Variants in GAREM1 observed in about 807,000 individuals in gnomAD.
GAREM1 encodes GRB2-associated and regulator of MAPK protein 1.
Under a neutral mutation model 71.3 loss-of-function variants are expected in GAREM1, and 26 were observed. The ratio of observed to expected loss-of-function variants is 0.36; its 90% CI spans 0.27 to 0.51. The LOEUF is 0.51. Ranked by LOEUF, GAREM1 falls within the 20% of genes least tolerant of loss-of-function variation. The pLI is 0.95. For synonymous variants in GAREM1, 440 were observed against 433.2 expected (o/e 1.02, Z -0.20); for missense variants, 1,026 against 1,103.1 (o/e 0.93, Z 0.99).
chr18:32,460,981 T>C (rs1341550145), intron 1 of GAREM1, among the ~76,000 whole-genome samples: 1 of 152,176 alleles, frequency 6.6e-6, no homozygotes, highest in Non-Finnish European at 1.5e-5. Flanking sequence ...AATACTTTAT[T>C]TAGAATATGG....
At chr18:32,388,288 C>A (rs1942014421) in intron 2 of GAREM1, among the ~76,000 whole-genome samples, 1 of 152,096 alleles carries the variant, frequency 6.6e-6, no homozygotes, top group African/African-American at 2.4e-5. Context: ...CTTTTCCTTA[C>A]AGGAGAATGA....
intron 1 of GAREM1, among the ~76,000 whole-genome samples, chr18:32,452,853 GTT>G (rs34771430): frequency 1.6e-4 from 23 of 147,266 alleles, no homozygotes; most frequent in East Asian, 4.0e-4. Flanking sequence ...TAACTTCTAC[GTT>G]TTTTTTTTTT....
At chr18:32,428,616 T>C (rs1458624421) in intron 1 of GAREM1, among the ~76,000 whole-genome samples, 1 of 152,198 alleles carries the variant, frequency 6.6e-6, no homozygotes, top group Non-Finnish European at 1.5e-5. Flanking sequence ...CTACCATGCT[T>C]CCCATATTGC....
rs139519609 is a variant in GAREM1 at position 32,454,919 on chromosome 18, T to C, written c.121+15389A>G. Among the ~76,000 whole-genome samples the C allele has an allele frequency of 4.3e-4, 66 of 152,314 alleles. No homozygotes were observed. In the East Asian group the frequency reaches 0.012, roughly 29 times the overall value. On this transcript the variant is annotated intron_variant, in intron 1 of 5. Coordinates refer to ENST00000269209, the MANE Select transcript of GAREM1 (RefSeq NM_001242409.2). ...TGTTGGAACATCACACCAGATCATGTGAACTGTGTGAAATGAACAGTGCAA... is the reference window on the plus strand; with the variant it reads ...TGTTGGAACATCACACCAGATCATGCGAACTGTGTGAAATGAACAGTGCAA...
intron 1 of GAREM1, among the ~76,000 whole-genome samples, chr18:32,422,100 T>A (rs2048524419): frequency 6.6e-6 from 1 of 152,124 alleles, no homozygotes; most frequent in South Asian, 2.1e-4. Flanking sequence ...TAACTCTTCA[T>A]TTAACATTAG....
intron 1 of GAREM1, among the ~76,000 whole-genome samples, chr18:32,455,063 C>A (rs920604972): frequency 2.6e-5 from 4 of 152,140 alleles, no homozygotes; most frequent in African/African-American, 9.7e-5. Context: ...TGCATGGAAT[C>A]CAGGATCGAG....
intron 3 of GAREM1, among the ~76,000 whole-genome samples, chr18:32,292,909 G>T (rs1370516424): frequency 6.6e-6 from 1 of 152,084 alleles, no homozygotes; most frequent in African/African-American, 2.4e-5. Flanking sequence ...ATAGGGATAT[G>T]GGTAGAGAAA....
chr18:32,458,716 G>A (rs1492829), intron 1 of GAREM1, among the ~76,000 whole-genome samples: 62,804 of 151,498 alleles, frequency 0.41, 14,580 homozygotes, highest in African/African-American at 0.63. Flanking sequence ...GATATTATTG[G>A]AGCTATTCTA....
At chr18:32,369,573 C>T (rs968811929) in intron 2 of GAREM1, among the ~76,000 whole-genome samples, 14 of 152,120 alleles carry the variant, frequency 9.2e-5, no homozygotes, top group Non-Finnish European at 5.9e-5. Context: ...CCCCCAGAAT[C>T]TTTTAAAATA....
At chr18:32,272,919 CG>C (rs2041483950) in intron 4 of GAREM1, among the ~76,000 whole-genome samples, 2 of 152,192 alleles carry the variant, frequency 1.3e-5, no homozygotes, top group South Asian at 4.1e-4. Flanking sequence ...ACCAGGATGC[CG>C]GAGCTCAGGC....
chr18:32,446,494 C>A (rs1290919001), intron 1 of GAREM1, among the ~76,000 whole-genome samples: 1 of 152,126 alleles, frequency 6.6e-6, no homozygotes, highest in Non-Finnish European at 1.5e-5. Context: ...GCTGGACTAT[C>A]CTGACCAAAC....
At chr18:32,388,192 G>T (rs1048147490) in intron 2 of GAREM1, among the ~76,000 whole-genome samples, 4 of 152,170 alleles carry the variant, frequency 2.6e-5, no homozygotes. Flanking sequence ...ATATATCATA[G>T]TACACTGAAT....
At chr18:32,367,948 T>G (rs2047941731) in intron 2 of GAREM1, among the ~76,000 whole-genome samples, 1 of 152,122 alleles carries the variant, frequency 6.6e-6, no homozygotes, top group African/African-American at 2.4e-5. Flanking sequence ...GTTTGAGACG[T>G]TCACTCCTAA....
At chr18:32,284,752 CTTT>C (rs34946592) in intron 4 of GAREM1, among the ~76,000 whole-genome samples, 4 of 121,214 alleles carry the variant, frequency 3.3e-5, no homozygotes, top group East Asian at 2.1e-4. Flanking sequence ...TGCCCCCTTA[CTTT>C]TTTTTTTTTT....
intron 1 of GAREM1, among the ~76,000 whole-genome samples, chr18:32,433,653 C>G (rs2048645998): frequency 6.6e-6 from 1 of 151,952 alleles, no homozygotes; most frequent in Non-Finnish European, 1.5e-5. Context: ...AGTCACATTT[C>G]TCTATCTTAG....
intron 2 of GAREM1, among the ~76,000 whole-genome samples, chr18:32,312,993 A>G (rs1195822856): frequency 6.6e-6 from 1 of 152,208 alleles, no homozygotes; most frequent in Admixed American, 6.5e-5. Context: ...TTGCAATGTA[A>G]TATGATTGCT....
intron 5 of GAREM1, among the ~76,000 whole-genome samples, chr18:32,269,809 T>C (rs763301298): frequency 6.6e-6 from 1 of 152,124 alleles, no homozygotes; most frequent in Non-Finnish European, 1.5e-5. Context: ...TGGATGGAAA[T>C]TCAGAGTAGA....
chr18:32,429,207 A>G (rs896082877), intron 1 of GAREM1, among the ~76,000 whole-genome samples: 7 of 152,178 alleles, frequency 4.6e-5, no homozygotes, highest in African/African-American at 1.4e-4. Flanking sequence ...GACCGCTTTT[A>G]TATCAATAAC....
Position 32,318,903 on chromosome 18 carries a change from G to A in GAREM1, c.263-8580C>T, listed in dbSNP as rs187338830. Among the ~76,000 whole-genome samples, 429 of 152,208 alleles carry A rather than the reference G, an allele frequency of 2.8e-3. 3 individuals carry two copies. Among genetic ancestry groups the A allele is most frequent in the African/African-American group, 9.9e-3 (410 of 41,516 alleles). ...TGTTAAAGTAGAAAAGAAAGCAAGA[G>A]CAACAGAAATGGGACCAGAACACCA... On this transcript the variant is annotated intron_variant, in intron 2 of 5. Transcript: ENST00000269209.
Sources: gnomAD v4.1 joint callset for allele counts (sites outside exome capture counted in the v4.1 genomes callset) on GRCh38, gnomAD v4.1.1 for gene constraint, MANE v1.5 for transcripts, NCBI Gene and HGNC (gene_info 2026-07-23, HGNC 2026-07-21) for gene names.